The following AATF variants were observed in gnomAD, a reference collection of about 807,000 sequenced individuals.
AATF encodes the protein protein AATF.
AATF carries 48 observed loss-of-function variants against 63.7 expected under a neutral mutation model. That is an observed-to-expected ratio of 0.75 (90% confidence interval 0.60 to 0.96). The LOEUF (loss-of-function observed/expected upper bound fraction) is 0.96. AATF is among the 40% of genes least tolerant of loss of function. The pLI is 0.00. For synonymous variants in AATF, 258 were observed against 247.7 expected (o/e 1.04, Z -0.39); for missense variants, 639 against 685.7 (o/e 0.93, Z 0.76).
intron 4 of AATF, among the ~76,000 whole-genome samples, chr17:36,956,489 G>T (rs1220993688): frequency 9.2e-5 from 14 of 152,048 alleles, no homozygotes; most frequent in Non-Finnish European, 1.6e-4. Context: ...CCTGGCCAAT[G>T]TGGTGAAACC....
rs906223134 is a variant in AATF, at chr17:36,949,183, A to T, written c.58A>T (p.Ser20Cys). ...QLEQLLNPRP[S>C]EADPEADPEE... ...GGAACAGTTGTTGAACCCGCGACCAAGCGAGGCGGACCCTGAAGCGGACCC... is the reference window on the plus strand; with the variant it reads ...GGAACAGTTGTTGAACCCGCGACCATGCGAGGCGGACCCTGAAGCGGACCC... Residue 20 changes from serine (S) to cysteine (C), a missense_variant, in exon 1 of 12, where the codon AGC becomes TGC. Physicochemically the swap from Ser to Cys is moderately radical, Grantham distance 112. Coordinates refer to ENST00000619387, the MANE Select transcript of AATF (RefSeq NM_012138.4). The T allele has an allele frequency of 3.1e-6, 5 of 1,593,634 alleles. No homozygotes were observed. The African/African-American group carries it at 6.7e-5, about 21-fold the overall frequency.
At chr17:37,046,727 C>A (rs974117701) in intron 11 of AATF, among the ~76,000 whole-genome samples, 13 of 126,208 alleles carry the variant, frequency 1.0e-4, no homozygotes, top group African/African-American at 3.7e-4. Context: ...CCTGTGCTCC[C>A]CCAACACACA....
At chr17:37,026,110 G>A (rs1218927568) in intron 10 of AATF, among the ~76,000 whole-genome samples, 2 of 152,064 alleles carry the variant, frequency 1.3e-5, no homozygotes, top group African/African-American at 4.8e-5. Context: ...TCATAAAACA[G>A]CATACAAATC....
intron 8 of AATF, 198 bp from the exon 9 acceptor site, chr17:37,018,807 G>A (rs2071447236): frequency 5.1e-6 from 3 of 585,222 alleles, no homozygotes; most frequent in Non-Finnish European, 9.1e-6. Context: ...CTCAGCTACT[G>A]CTATAGCCAC....
intron 11 of AATF, chr17:37,043,384 GA>G (rs1007815554): frequency 2.0e-5 from 3 of 152,120 alleles, no homozygotes; most frequent in African/African-American, 7.2e-5. Context: ...GTTTCCTGTT[GA>G]AATATTCAGT....
chr17:36,974,695 A>G lies in AATF; in HGVS notation c.833-11922A>G, dbSNP rs540378137. 2.0e-5 allele frequency among the ~76,000 whole-genome samples: 3 copies of G among 152,296 alleles called. No individual in the cohort carries two copies. The East Asian group carries it at 5.8e-4, about 29-fold the overall frequency. On this transcript the variant is annotated intron_variant, in intron 4 of 11. Coordinates refer to ENST00000619387, the MANE Select transcript of AATF (RefSeq NM_012138.4). ...CACTTTGACAAGTGGTATCTGGGAA[A>G]TGGTATCTGTTATTTTAATTTACAT... is the stretch of plus-strand genomic sequence containing the variant.
At chr17:37,052,563 TG>T (rs2071761789) in intron 11 of AATF, 1 of 152,210 alleles carries the variant, frequency 6.6e-6, no homozygotes, top group African/African-American at 2.4e-5. Flanking sequence ...GTCTTCACAC[TG>T]GGGTATGCAG....
At chr17:37,006,567 G>T (rs1439937766) in intron 8 of AATF, among the ~76,000 whole-genome samples, 2 of 152,260 alleles carry the variant, frequency 1.3e-5, no homozygotes, top group East Asian at 3.9e-4. Flanking sequence ...TTTAGCATTT[G>T]AATTGCTTTA....
intron 8 of AATF, among the ~76,000 whole-genome samples, chr17:36,995,674 C>T (rs184970874): frequency 6.6e-6 from 1 of 151,674 alleles, no homozygotes; most frequent in Non-Finnish European, 1.5e-5. Flanking sequence ...CTCAAGCAAT[C>T]CTCCCACCTC....
chr17:37,040,013 T>C (rs577357949), intron 11 of AATF, among the ~76,000 whole-genome samples: 34 of 152,204 alleles, frequency 2.2e-4, no homozygotes, highest in Admixed American at 3.3e-4. Context: ...CAAAGGATTG[T>C]AAATCCTCTT....
At chr17:37,051,958 G>C (rs1382302199) in intron 11 of AATF, among the ~76,000 whole-genome samples, 1 of 152,140 alleles carries the variant, frequency 6.6e-6, no homozygotes, top group Non-Finnish European at 1.5e-5. Context: ...TTGCAATAAA[G>C]GGTAAGTTAA....
intron 4 of AATF, among the ~76,000 whole-genome samples, chr17:36,969,584 GCT>G (rs1461607153): frequency 6.6e-6 from 1 of 152,132 alleles, no homozygotes; most frequent in Non-Finnish European, 1.5e-5. Context: ...ATTCTTCATT[GCT>G]AGCACCCCAG....
At chr17:36,986,476 G>A (rs1476018642) in intron 4 of AATF, 141 bp from the exon 5 acceptor site, 9 of 646,174 alleles carry the variant, frequency 1.4e-5, no homozygotes, top group African/African-American at 1.3e-4. Flanking sequence ...ATTTCAGAGA[G>A]TATTTAGTTC....
At chr17:37,016,208 G>T (rs2071427540) in intron 8 of AATF, among the ~76,000 whole-genome samples, 1 of 152,124 alleles carries the variant, frequency 6.6e-6, no homozygotes, top group Non-Finnish European at 1.5e-5. Context: ...TTTTTTCTTA[G>T]GAGTTAATAT....
intron 4 of AATF, among the ~76,000 whole-genome samples, chr17:36,961,828 C>T (rs2070949729): frequency 2.6e-5 from 4 of 152,158 alleles, no homozygotes; most frequent in Non-Finnish European, 1.5e-5. Flanking sequence ...GCATCCACCA[C>T]CGTGCCTGGC....
intron 11 of AATF, among the ~76,000 whole-genome samples, chr17:37,044,052 G>A (rs574464871): frequency 1.9e-4 from 29 of 152,284 alleles, no homozygotes; most frequent in African/African-American, 6.3e-4. Flanking sequence ...GAGGCTTCCT[G>A]TCTGAGATGC....
At position 37,031,660 on chromosome 17, in the gene AATF, C is replaced by CAT; in HGVS notation, c.1596_1597dup (p.Thr533IlefsTer4). The CAT allele has an allele frequency of 1.2e-6, 2 of 1,614,104 alleles. No homozygotes were observed. The highest frequency in any genetic ancestry group is 1.7e-6 in the Non-Finnish European group (2 of 1,179,972). ...ACTGAGTTTCATGGCACCTATTGAC[C>CAT]ATACTACAATGAATGATGATGCCAG... On this transcript the variant is annotated frameshift_variant, in exon 11 of 12. Coordinates refer to ENST00000619387, the MANE Select transcript of AATF (RefSeq NM_012138.4). LOFTEE classifies it high-confidence loss of function.
intron 4 of AATF, among the ~76,000 whole-genome samples, chr17:36,975,693 G>A (rs967799169): frequency 5.9e-5 from 9 of 152,138 alleles, no homozygotes; most frequent in African/African-American, 1.9e-4. Context: ...AGAACAGTAG[G>A]TCAGGAGCTA....
chr17:36,955,445 C>A (rs963774702), intron 4 of AATF, among the ~76,000 whole-genome samples: 1 of 152,052 alleles, frequency 6.6e-6, no homozygotes, highest in Admixed American at 6.6e-5. Context: ...CCATTTATAT[C>A]CCCGCCCCTG....
Sources: allele counts gnomAD v4.1 joint callset (sites outside exome capture counted in the v4.1 genomes callset), GRCh38; gene constraint gnomAD v4.1.1; transcripts MANE v1.5; gene names NCBI Gene and HGNC (gene_info 2026-07-23, HGNC 2026-07-21).